The following GNA14 variants were observed in gnomAD, a reference collection of about 807,000 sequenced individuals.
GNA14 encodes guanine nucleotide-binding protein subunit alpha-14.
GNA14 carries 50 observed loss-of-function variants against 42.0 expected under a neutral mutation model. The ratio of observed to expected loss-of-function variants is 1.19; its 90% CI spans 0.95 to 1.51. GNA14 has a LOEUF of 1.51. Among genes scored for constraint, GNA14 ranks in the 40% most tolerant of loss-of-function variants. The probability of loss-of-function intolerance (pLI) is 0.00; values close to 1 mark genes in which losing one functional copy is unlikely to be tolerated. For missense variants in GNA14, 473 were observed against 446.2 expected, an observed-to-expected ratio of 1.06 and a Z score of -0.54; for synonymous variants, 173 against 163.1, an observed-to-expected ratio of 1.06 and a Z score of -0.46.
intron 1 of GNA14, among the ~76,000 whole-genome samples, chr9:77,568,141 C>A (rs2131794142): frequency 6.6e-6 from 1 of 152,192 alleles, no homozygotes; most frequent in African/African-American, 2.4e-5. Context: ...CCTAGCATAG[C>A]TCAAATACTG....
chr9:77,431,543 C>A, intron 3 of GNA14, 94 bp from the exon 4 acceptor site: 1 of 1,110,682 alleles, frequency 9.0e-7, no homozygotes, highest in Non-Finnish European at 1.3e-6. Flanking sequence ...TCACAGTGAG[C>A]CCCACACAGA....
intron 1 of GNA14, among the ~76,000 whole-genome samples, chr9:77,577,762 T>C (rs1464663951): frequency 6.6e-6 from 1 of 152,042 alleles, no homozygotes; most frequent in Non-Finnish European, 1.5e-5. Flanking sequence ...TTGCAGGAGG[T>C]ACTTTGGAAT....
At chr9:77,600,990 G>C (rs1564063596) in intron 1 of GNA14, among the ~76,000 whole-genome samples, 1 of 152,170 alleles carries the variant, frequency 6.6e-6, no homozygotes, top group African/African-American at 2.4e-5. Flanking sequence ...GATAAGGAAA[G>C]GGTCGTCCGA....
At chr9:77,469,815 T>C (rs1836297731) in intron 2 of GNA14, among the ~76,000 whole-genome samples, 1 of 152,184 alleles carries the variant, frequency 6.6e-6, no homozygotes, top group Non-Finnish European at 1.5e-5. Context: ...CATTCCTGGG[T>C]TTTGTTTTCA....
At chr9:77,543,451 T>G (rs1036520501) in intron 1 of GNA14, among the ~76,000 whole-genome samples, 1 of 152,242 alleles carries the variant, frequency 6.6e-6, no homozygotes, top group African/African-American at 2.4e-5. Flanking sequence ...CCTTTGCCAG[T>G]TGAGCTCTCA....
rs1564073568 is a variant in GNA14, at chr9:77,641,098, GGGGAAGGAAGGAAGGAA to G, written c.124+6555_124+6571del. 2.5e-3 allele frequency among the ~76,000 whole-genome samples: 45 copies of G among 17,674 alleles called. 3 individuals carry two copies. The highest frequency in any genetic ancestry group is 2.4e-3 in the Non-Finnish European group (30 of 12,506). 11.6% of individuals were successfully genotyped at this position (17,674 alleles called of 152,430 possible). A position where few individuals can be genotyped will look rare whatever the true frequency, so the allele number is the denominator to read the frequency against. On this transcript the variant is annotated intron_variant, in intron 1 of 6. Transcript: ENST00000341700. ...AGGGGAGGGGAGGGGAGGGGAGGGG[GGGGAAGGAAGGAAGGAA>G]GGAAGGAAGGAAGGAAGGAAGGAAG... is the stretch of plus-strand genomic sequence containing the variant.
intron 6 of GNA14, 102 bp downstream of exon 6, chr9:77,425,460 G>T: frequency 1.3e-6 from 1 of 763,476 alleles, no homozygotes. Flanking sequence ...GCTATTGCAG[G>T]CAGACCAGGG....
intron 5 of GNA14, among the ~76,000 whole-genome samples, chr9:77,426,083 G>T (rs1358757226): frequency 6.6e-6 from 1 of 152,188 alleles, no homozygotes; most frequent in African/African-American, 2.4e-5. Context: ...AAGTGGGGAA[G>T]TGCCAGCTTC....
At chr9:77,448,307 G>A (rs942290941) in intron 2 of GNA14, among the ~76,000 whole-genome samples, 7 of 152,230 alleles carry the variant, frequency 4.6e-5, no homozygotes, top group Admixed American at 2.0e-4. Context: ...TTACGATGGT[G>A]TGAAAGCAGT....
In GNA14 at chr9:77,498,420, A is replaced by G. The variant is rs377585318; in HGVS notation, c.309+30649T>C. The stretch of plus-strand genomic sequence containing the variant: ...AAAGAAAAAGAAAACAAGCTGCACC[A>G]GGGCAAGAATTTGGGTCTGTTTTAT... On this transcript the variant is annotated intron_variant, in intron 2 of 6. Transcript: ENST00000341700. Among the ~76,000 whole-genome samples the G allele has an allele frequency of 2.2e-4, 34 of 151,128 alleles. No homozygotes were observed. In the East Asian group the frequency reaches 6.6e-3, roughly 30 times the overall value.
intron 2 of GNA14, among the ~76,000 whole-genome samples, chr9:77,527,769 T>C (rs1017873682): frequency 6.6e-6 from 1 of 152,110 alleles, no homozygotes; most frequent in African/African-American, 2.4e-5. Context: ...TAGTAGGTGG[T>C]ATTACAGGTG....
chr9:77,545,094 T>C (rs1373254), intron 1 of GNA14, among the ~76,000 whole-genome samples: 69,893 of 152,026 alleles, frequency 0.46, 17,332 homozygotes, highest in Admixed American at 0.56. Flanking sequence ...AAAGAGACAA[T>C]AGACTTAAAA....
At chr9:77,610,036 C>T (rs1377690065) in intron 1 of GNA14, among the ~76,000 whole-genome samples, 1 of 152,164 alleles carries the variant, frequency 6.6e-6, no homozygotes, top group Non-Finnish European at 1.5e-5. Flanking sequence ...ACTACCTATT[C>T]TTCTGGAGGC....
intron 2 of GNA14, among the ~76,000 whole-genome samples, chr9:77,449,856 C>T (rs2131702800): frequency 6.6e-6 from 1 of 152,338 alleles, no homozygotes; most frequent in South Asian, 2.1e-4. Flanking sequence ...AGCATAATCT[C>T]CCTCTTGAGA....
rs995975045 is a variant in GNA14, at chr9:77,434,437, C to A, written c.395G>T (p.Trp132Leu). The change falls in exon 3 of 7, where the codon TGG becomes TTG. Residue 132 changes from tryptophan (W) to leucine (L), a missense_variant. Trp to Leu is a moderately conservative substitution (Grantham distance 61). Transcript: ENST00000341700. ...ACACTCCTGGATGCCTGGATCTTGC[C>A]AGAGCTGCTTGATGGCCTCCACCTG... ...REQVEAIKQLWQDPGIQECYD... is the reference protein window; with the variant it reads ...REQVEAIKQLLQDPGIQECYD... The A allele has an allele frequency of 5.0e-6, 8 of 1,614,026 alleles. No individual in the cohort carries two copies. Among genetic ancestry groups the A allele is most frequent in the Non-Finnish European group, 6.8e-6 (8 of 1,179,904 alleles).
intron 2 of GNA14, among the ~76,000 whole-genome samples, chr9:77,489,666 T>C (rs1411193423): frequency 6.6e-6 from 1 of 151,994 alleles, no homozygotes; most frequent in Non-Finnish European, 1.5e-5. Context: ...GTGGTCTCGC[T>C]GGCTCAGGAG....
chr9:77,511,226 C>A (rs1360144967), intron 2 of GNA14, among the ~76,000 whole-genome samples: 2 of 152,100 alleles, frequency 1.3e-5, no homozygotes, highest in Non-Finnish European at 2.9e-5. Context: ...TAAAGATCAT[C>A]TGGTCAAGTT....
At chr9:77,452,576 G>GTGTGGTGTGTAGTAT (rs1564018286) in intron 2 of GNA14, among the ~76,000 whole-genome samples, 2 of 132,086 alleles carry the variant, frequency 1.5e-5, no homozygotes, top group African/African-American at 6.4e-5. Flanking sequence ...GTGTGTATGT[G>GTGTGGTGTGTAGTAT]CATGTGTATG....
chr9:77,647,635 C>G (rs763015311), intron 1 of GNA14, 35 bp downstream of exon 1: 1 of 1,593,520 alleles, frequency 6.3e-7, no homozygotes, highest in African/African-American at 1.3e-5. Context: ...AAGAAAAACG[C>G]CCGGCTCACT....
Sources: allele counts gnomAD v4.1 joint callset (sites outside exome capture counted in the v4.1 genomes callset), GRCh38; gene constraint gnomAD v4.1.1; transcripts MANE v1.5; gene names NCBI Gene and HGNC (gene_info 2026-07-23, HGNC 2026-07-21).